Variants in ADAM9 observed in about 807,000 individuals in gnomAD.
ADAM9 encodes the protein ADAM metallopeptidase domain 9.
Under a neutral mutation model 108.1 loss-of-function variants are expected in ADAM9, and 54 were observed. The ratio of observed to expected loss-of-function variants is 0.50; its 90% CI spans 0.40 to 0.63. The LOEUF (loss-of-function observed/expected upper bound fraction) is 0.63. Among genes scored for constraint, ADAM9 ranks in the 20% least tolerant of loss-of-function variants. ADAM9 has a pLI of 0.00. For synonymous variants in ADAM9, 316 were observed against 336.0 expected (o/e 0.94, Z 0.65); for missense variants, 830 against 997.7 (o/e 0.83, Z 2.26).
intron 8 of ADAM9, 61 bp from the exon 9 acceptor site, chr8:39,023,095 T>C: frequency 6.9e-7 from 1 of 1,452,282 alleles, no homozygotes; most frequent in South Asian, 1.2e-5. Flanking sequence ...CTTCATGTGG[T>C]TAAAAGATTT....
intron 16 of ADAM9, among the ~76,000 whole-genome samples, chr8:39,078,781 A>G (rs1187487374): frequency 6.6e-6 from 1 of 152,186 alleles, no homozygotes; most frequent in East Asian, 1.9e-4. Context: ...ACTCCCATCT[A>G]AAAATAAAGT....
At chr8:39,009,897 G>GC (rs1253730117) in intron 2 of ADAM9, among the ~76,000 whole-genome samples, 1 of 6,576 alleles carries the variant, frequency 1.5e-4, no homozygotes, top group African/African-American at 6.8e-4. Context: ...TCTAGTGATG[G>GC]GGGGGGGGGG....
At chr8:39,079,162 C>G (rs1838941086) in intron 16 of ADAM9, among the ~76,000 whole-genome samples, 1 of 152,222 alleles carries the variant, frequency 6.6e-6, no homozygotes, top group South Asian at 2.1e-4. Flanking sequence ...TCCAGCCTTA[C>G]CTGCGAAGTT....
Position 39,092,676 on chromosome 8 carries a change from A to G in ADAM9, c.2298+1330A>G, listed in dbSNP as rs144195441. 5.8e-4 allele frequency among the ~76,000 whole-genome samples: 88 copies of G among 151,188 alleles called. 1 individual carries two copies. The highest frequency in any genetic ancestry group is 2.1e-3 in the African/African-American group (85 of 41,392). Reference sequence around the variant, plus strand: ...AATATTTACCATCTTAACAATTTTTACATGTACAGTGCAGTACTCCTAAGA... The same window carrying G: ...AATATTTACCATCTTAACAATTTTTGCATGTACAGTGCAGTACTCCTAAGA... On this transcript the variant is annotated intron_variant, in intron 20 of 21. Coordinates refer to ENST00000487273, the MANE Select transcript of ADAM9 (RefSeq NM_003816.3).
At chr8:39,045,473 C>CACACACCTATATGTGCGTGTGTGT (rs1564302196) in intron 12 of ADAM9, among the ~76,000 whole-genome samples, 24 of 92,502 alleles carry the variant, frequency 2.6e-4, no homozygotes, top group Admixed American at 4.5e-4. Context: ...CGTGTGTGTA[C>CACACACCTATATGTGCGTGTGTGT]ACACACCTAT....
In ADAM9 at chr8:39,071,316, A is replaced by G. The variant is rs1288228170; in HGVS notation, c.1610A>G (p.Lys537Arg). ...GTTACAGAAGCCAAGGCTGCCCCCA[A>G]AGATTGTTTCATTGAAGTGAATTCT... ...IFGSKAKAAP[K>R]DCFIEVNSKG... The change falls in exon 15 of 22, where the codon AAA becomes AGA. Residue 537 changes from lysine (K) to arginine (R), a missense_variant. Lys to Arg is a conservative substitution (Grantham distance 26). This residue lies in a region of ADAM9 where 381 missense variants were observed against 539.8 expected (regional missense o/e 0.71). Coordinates refer to ENST00000487273, the MANE Select transcript of ADAM9 (RefSeq NM_003816.3). 1 of 1,613,964 alleles carries G rather than the reference A, an allele frequency of 6.2e-7. No homozygotes were observed. Among genetic ancestry groups the G allele is most frequent in the African/African-American group, 1.3e-5 (1 of 74,896 alleles).
At chr8:39,018,378 A>G (rs1445699065) in intron 6 of ADAM9, among the ~76,000 whole-genome samples, 1 of 152,188 alleles carries the variant, frequency 6.6e-6, no homozygotes, top group Non-Finnish European at 1.5e-5. Context: ...ATTTTTTAAA[A>G]TGGCAACCTT....
chr8:39,008,414 T>C (rs1467618860), intron 2 of ADAM9, among the ~76,000 whole-genome samples: 59 of 152,194 alleles, frequency 3.9e-4, no homozygotes, highest in Admixed American at 3.9e-3. Flanking sequence ...CCTCAGGTCA[T>C]TCGCCTGCCT....
At chr8:39,046,209 A>G (rs1837768842) in intron 12 of ADAM9, among the ~76,000 whole-genome samples, 1 of 151,942 alleles carries the variant, frequency 6.6e-6, no homozygotes, top group Admixed American at 6.6e-5. Context: ...CTTATTCACA[A>G]ATGTTTTGTT....
At position 39,077,518 on chromosome 8, in the gene ADAM9, A is replaced by G. The variant is rs1226246822; in HGVS notation, c.1881+107A>G. On this transcript the variant is annotated intron_variant, in intron 16 of 21. Transcript: ENST00000487273. ...CTGATTGTAAAAGTAATCTAAATTC[A>G]TTATAGAAATTTTAGAAAATACAAA... The G allele has an allele frequency of 3.7e-6, 4 of 1,091,746 alleles. No individual in the cohort carries two copies. The African/African-American group carries it at 4.8e-5, about 13-fold the overall frequency. The allele number at this position is 1,091,746 out of a possible 1,614,324, so 67.6% of individuals were successfully genotyped here.
chr8:39,091,396 A>G, intron 20 of ADAM9, 50 bp downstream of exon 20: 2 of 1,484,088 alleles, frequency 1.3e-6, no homozygotes, highest in Non-Finnish European at 1.9e-6. Flanking sequence ...AAAGGATCAA[A>G]TGCTTAAGGA....
chr8:39,077,283 G>T lies in ADAM9; in HGVS notation c.1753G>T (p.Gly585Ter). 1 of 1,614,076 alleles carries T rather than the reference G, an allele frequency of 6.2e-7. No homozygotes were observed. The highest frequency in any genetic ancestry group is 8.5e-7 in the Non-Finnish European group (1 of 1,179,982). ...CENVQEIPVF[G>*]IVPAIIQTPS... ...GAATGTACAAGAGATACCTGTATTT[G>T]GAATTGTGCCTGCTATTATTCAAAC... is the stretch of plus-strand genomic sequence containing the variant. The change falls in exon 16 of 22, where the codon GGA (glycine) becomes TGA (stop). Residue 585 changes from glycine (G) to a stop codon, truncating the protein, a stop_gained. Transcript: ENST00000487273. LOFTEE classifies it high-confidence loss of function.
At chr8:39,017,176 T>A (rs1836560482) in intron 5 of ADAM9, 43 bp from the exon 6 acceptor site, 1 of 1,606,416 alleles carries the variant, frequency 6.2e-7, no homozygotes, top group South Asian at 1.1e-5. Flanking sequence ...CCTTGTGTAT[T>A]TTCTTTTTCT....
At chr8:39,096,320 TTG>T (rs1377017433) in intron 20 of ADAM9, among the ~76,000 whole-genome samples, 1 of 126,148 alleles carries the variant, frequency 7.9e-6, no homozygotes, top group Non-Finnish European at 1.8e-5. Flanking sequence ...TCATTTTCCT[TTG>T]TGCATATTCT....
Position 39,045,027 on chromosome 8 carries a change from T to TGC in ADAM9, c.1302+2911_1302+2912dup, listed in dbSNP as rs1443437224. ...ATACCTATGTATGTGTATGTGTGTGTGCATACATACATATGTATGTGTATG... is the reference window on the plus strand; with the variant it reads ...ATACCTATGTATGTGTATGTGTGTGTGCGCATACATACATATGTATGTGTATG... On this transcript the variant is annotated intron_variant, in intron 12 of 21. Coordinates refer to ENST00000487273, the MANE Select transcript of ADAM9 (RefSeq NM_003816.3). Among the ~76,000 whole-genome samples the TGC allele has an allele frequency of 1.8e-4, 23 of 127,800 alleles. 3 individuals are homozygous for TGC. The East Asian group carries it at 4.6e-3, about 26-fold the overall frequency. The allele number at this position is 127,800 out of a possible 152,430, so 83.8% of individuals were successfully genotyped here. A position where few individuals can be genotyped will look rare whatever the true frequency, so the allele number is the denominator to read the frequency against.
chr8:39,016,697 A>G (rs1238640284), intron 5 of ADAM9, among the ~76,000 whole-genome samples: 1 of 152,224 alleles, frequency 6.6e-6, no homozygotes, highest in African/African-American at 2.4e-5. Flanking sequence ...GATTGCTTGA[A>G]CTAAAACATA....
At chr8:39,023,778 A>C (rs1400614571) in intron 9 of ADAM9, among the ~76,000 whole-genome samples, 1 of 115,328 alleles carries the variant, frequency 8.7e-6, no homozygotes. Context: ...ACAGAGTCTC[A>C]CTCTGTTGCC....
chr8:39,048,057 A>C (rs1018466188), intron 12 of ADAM9, among the ~76,000 whole-genome samples: 1 of 151,738 alleles, frequency 6.6e-6, no homozygotes, highest in East Asian at 1.9e-4. Context: ...AGTAGCTAGG[A>C]TTACAGGCGC....
chr8:39,068,359 T>C (rs1412268719), intron 14 of ADAM9, among the ~76,000 whole-genome samples: 1 of 152,040 alleles, frequency 6.6e-6, no homozygotes, highest in East Asian at 1.9e-4. Context: ...AGACCTTATC[T>C]ATCTGCATCC....
Sources: gnomAD v4.1 joint callset for allele counts (sites outside exome capture counted in the v4.1 genomes callset) on GRCh38, gnomAD v4.1.1 for gene constraint, gnomAD v4.1.1 regional missense constraint, MANE v1.5 for transcripts, NCBI Gene and HGNC (gene_info 2026-07-23, HGNC 2026-07-21) for gene names.